The following PKN2 variants were observed in gnomAD, a reference collection of about 807,000 sequenced individuals.
PKN2 encodes serine/threonine-protein kinase N2.
In PKN2, 38 loss-of-function variants were observed where a neutral mutation model predicts 119.1. That is an observed-to-expected ratio of 0.32 (90% CI 0.25 to 0.42). PKN2 has a LOEUF of 0.42. Among genes scored for constraint, PKN2 ranks in the 10% least tolerant of loss-of-function variants. The pLI is 1.00. For synonymous variants in PKN2, 390 were observed against 384.9 expected, an observed-to-expected ratio of 1.01 and a Z score of -0.15; for missense variants, 850 against 1,165.1, an observed-to-expected ratio of 0.73 and a Z score of 3.94.
At chr1:88,726,620 T>C (rs1453902076) in intron 1 of PKN2, among the ~76,000 whole-genome samples, 1 of 152,134 alleles carries the variant, frequency 6.6e-6, no homozygotes, top group East Asian at 1.9e-4. Flanking sequence ...ATGAGAGAAA[T>C]TAGTTTTTGT....
At chr1:88,720,812 T>C (rs1294771547) in intron 1 of PKN2, among the ~76,000 whole-genome samples, 3 of 152,160 alleles carry the variant, frequency 2.0e-5, no homozygotes, top group Admixed American at 1.3e-4. Flanking sequence ...CCAAAGTCCA[T>C]TGTATCATTC....
intron 16 of PKN2, among the ~76,000 whole-genome samples, chr1:88,818,276 G>A (rs144544549): frequency 0.033 from 5,082 of 152,240 alleles, 123 homozygotes; most frequent in Middle Eastern, 0.058. Flanking sequence ...CTTGAAAATG[G>A]CCATACTGCC....
chr1:88,822,917 T>C (rs1433801218), intron 17 of PKN2, among the ~76,000 whole-genome samples: 1 of 152,150 alleles, frequency 6.6e-6, no homozygotes, highest in Non-Finnish European at 1.5e-5. Context: ...AAGATTGTTT[T>C]ACCTAATGGA....
At chr1:88,777,859 C>T (rs1055425697) in intron 6 of PKN2, among the ~76,000 whole-genome samples, 1 of 152,186 alleles carries the variant, frequency 6.6e-6, no homozygotes, top group African/African-American at 2.4e-5. Flanking sequence ...TGAACAGACT[C>T]TTTCAGTAGA....
chr1:88,705,798 C>T (rs1179821934), intron 1 of PKN2, among the ~76,000 whole-genome samples: 3 of 152,072 alleles, frequency 2.0e-5, no homozygotes, highest in Non-Finnish European at 4.4e-5. Flanking sequence ...TCTGCTCTCT[C>T]CTGATCCATT....
chr1:88,796,060 G>T (rs534581429), intron 8 of PKN2, among the ~76,000 whole-genome samples: 1 of 152,264 alleles, frequency 6.6e-6, no homozygotes, highest in East Asian at 1.9e-4. Flanking sequence ...GCATGCATAC[G>T]CAAGGCAGTT....
At chr1:88,811,107 A>G (rs994912911) in intron 15 of PKN2, among the ~76,000 whole-genome samples, 2 of 152,224 alleles carry the variant, frequency 1.3e-5, no homozygotes, top group African/African-American at 4.8e-5. Flanking sequence ...CTGTGTACCT[A>G]CCATTAGTAA....
rs182097563 is a variant in PKN2, at chr1:88,686,645, T to C, written c.48+2017T>C. On this transcript the variant is annotated intron_variant, in intron 1 of 21. Coordinates refer to ENST00000370521, the MANE Select transcript of PKN2 (RefSeq NM_006256.4). Reference sequence around the variant, plus strand: ...TGACTCCCAGTTTTGATAAAAGTTATTGCATTTAAACTTTATCGTGTTTAT... The same window carrying C: ...TGACTCCCAGTTTTGATAAAAGTTACTGCATTTAAACTTTATCGTGTTTAT... 2.5e-3 allele frequency among the ~76,000 whole-genome samples: 375 copies of C among 152,264 alleles called. 2 individuals are homozygous for C. The highest frequency in any genetic ancestry group is 8.4e-3 in the African/African-American group (351 of 41,570).
chr1:88,776,470 T>G (rs965834337), intron 6 of PKN2, among the ~76,000 whole-genome samples: 2 of 151,978 alleles, frequency 1.3e-5, no homozygotes, highest in Non-Finnish European at 2.9e-5. Context: ...CTAGGCACAG[T>G]GGCTCACACC....
At chr1:88,777,569 CTT>C (rs908912839) in intron 6 of PKN2, among the ~76,000 whole-genome samples, 3 of 152,158 alleles carry the variant, frequency 2.0e-5, no homozygotes, top group African/African-American at 7.2e-5. Context: ...TGCCTAGTAA[CTT>C]TTATAATCTA....
chr1:88,710,761 G>C (rs980861984), intron 1 of PKN2, among the ~76,000 whole-genome samples: 1 of 152,116 alleles, frequency 6.6e-6, no homozygotes, highest in Non-Finnish European at 1.5e-5. Flanking sequence ...AAGACCTAAA[G>C]ACAGAAATAC....
intron 3 of PKN2, among the ~76,000 whole-genome samples, chr1:88,766,736 C>G (rs551169728): frequency 6.6e-6 from 1 of 152,280 alleles, no homozygotes; most frequent in South Asian, 2.1e-4. Flanking sequence ...GTACTCCAGC[C>G]TTATCTCTTC....
At chr1:88,713,737 A>G (rs1002900202) in intron 1 of PKN2, among the ~76,000 whole-genome samples, 2 of 151,918 alleles carry the variant, frequency 1.3e-5, no homozygotes, top group Admixed American at 1.3e-4. Flanking sequence ...TTGCCTGTTC[A>G]CTCTGATGGT....
intron 1 of PKN2, among the ~76,000 whole-genome samples, chr1:88,725,670 C>T (rs186130685): frequency 1.3e-5 from 2 of 152,204 alleles, no homozygotes; most frequent in Non-Finnish European, 2.9e-5. Flanking sequence ...CAAATATTTT[C>T]TTCTATTATG....
chr1:88,684,294 A>G lies in PKN2; in HGVS notation c.-287A>G. 2.9e-6 allele frequency: 1 copy of G among 348,022 alleles called. No homozygotes were observed. 21.6% of individuals were successfully genotyped at this position (348,022 alleles called of 1,614,324 possible). A position where few individuals can be genotyped will look rare whatever the true frequency, so the allele number is the denominator to read the frequency against. ...AGCCGCGGCCGCAGCGCCCGCACGGAGAGGCTTGAGGCGGCTCCTGGCGTC... is the reference window on the plus strand; with the variant it reads ...AGCCGCGGCCGCAGCGCCCGCACGGGGAGGCTTGAGGCGGCTCCTGGCGTC... On this transcript the variant is annotated 5_prime_UTR_variant, in exon 1 of 22. Transcript: ENST00000370521.
intron 8 of PKN2, among the ~76,000 whole-genome samples, chr1:88,791,775 A>G (rs1434822660): frequency 6.6e-6 from 1 of 152,200 alleles, no homozygotes; most frequent in Non-Finnish European, 1.5e-5. Context: ...GAATAAGAGT[A>G]TTGAGGTAAA....
At chr1:88,720,373 A>T (rs1667625509) in intron 1 of PKN2, among the ~76,000 whole-genome samples, 1 of 152,000 alleles carries the variant, frequency 6.6e-6, no homozygotes, top group East Asian at 1.9e-4. Flanking sequence ...ATTTCTTAAG[A>T]GTTGTTTAGA....
rs1387917850 is a variant in PKN2, at chr1:88,771,438, C to T, written c.640C>T (p.Pro214Ser). Residue 214 changes from proline (P) to serine (S), a missense_variant, in exon 5 of 22, where the codon CCT becomes TCT. Transcript: ENST00000370521. The stretch of plus-strand genomic sequence containing the variant: ...CTTTCTAGCAAAACCTGTGATAAGT[C>T]CTCTTGAACTTCGGATGGAAGAATT... ...AFDNAKPVIS[P>S]LELRMEELRH... 4 of 1,600,114 alleles carry T rather than the reference C, an allele frequency of 2.5e-6. No individual in the cohort carries two copies. Among genetic ancestry groups the T allele is most frequent in the Non-Finnish European group, 3.4e-6 (4 of 1,175,430 alleles).
At chr1:88,807,165 A>AT (rs1160700951) in intron 12 of PKN2, 148 bp from the exon 13 acceptor site, 5 of 605,328 alleles carry the variant, frequency 8.3e-6, no homozygotes, top group African/African-American at 3.9e-5. Context: ...AAGAAAAAAA[A>AT]ATTTTTTTAA....
Sources: allele counts gnomAD v4.1 joint callset (sites outside exome capture counted in the v4.1 genomes callset), GRCh38; gene constraint gnomAD v4.1.1; transcripts MANE v1.5; gene names NCBI Gene and HGNC (gene_info 2026-07-23, HGNC 2026-07-21).